The following FBXL5 variants were observed in gnomAD, a reference collection of about 807,000 sequenced individuals.
FBXL5 encodes the protein F-box/LRR-repeat protein 5.
In FBXL5, 26 loss-of-function variants were observed where a neutral mutation model predicts 78.3. The observed-to-expected ratio is 0.33, with a 90% CI of 0.24 to 0.46. The LOEUF is 0.46. FBXL5 is among the 20% of genes least tolerant of loss of function. The pLI, the probability that FBXL5 is intolerant of heterozygous loss-of-function variation, is 1.00. For synonymous variants in FBXL5, 295 were observed against 282.5 expected (o/e 1.04, Z -0.45); for missense variants, 710 against 829.2 (o/e 0.86, Z 1.77).
upstream of FBXL5, among the ~76,000 whole-genome samples, chr4:15,663,227 A>G (rs556921880): frequency 6.6e-6 from 1 of 152,332 alleles, no homozygotes; most frequent in African/African-American, 2.4e-5. Context: ...TACATTGATA[A>G]TAGTCATTCA....
rs180895530 is a variant in FBXL5 at position 15,633,994 on chromosome 4, G to A, written c.766+2500C>T. ...GGCTGGGTAACTGTTTTTGGGTGCT[G>A]TCCTGTGGATTATAGGGTGCTTAGC... On this transcript the variant is annotated intron_variant, in intron 5 of 10. Coordinates refer to ENST00000341285, the MANE Select transcript of FBXL5 (RefSeq NM_012161.4). Among the ~76,000 whole-genome samples, 455 of 152,198 alleles carry A rather than the reference G, an allele frequency of 3.0e-3. 2 individuals are homozygous for A. The highest frequency in any genetic ancestry group is 0.01 in the African/African-American group (429 of 41,514).
chr4:15,678,045 A>G (rs1046871562), intron 1 of FBXL5, among the ~76,000 whole-genome samples: 4 of 152,202 alleles, frequency 2.6e-5, no homozygotes, highest in Admixed American at 2.6e-4. Flanking sequence ...GTATCATTAA[A>G]TGGGCGGGTG....
At chr4:15,609,551 TC>T (rs1722102419) in intron 10 of FBXL5, among the ~76,000 whole-genome samples, 1 of 152,032 alleles carries the variant, frequency 6.6e-6, no homozygotes, top group Non-Finnish European at 1.5e-5. Context: ...AGCTAATCTA[TC>T]TTAATTTATA....
At chr4:15,633,341 G>A (rs1484760499) in intron 5 of FBXL5, among the ~76,000 whole-genome samples, 2 of 152,170 alleles carry the variant, frequency 1.3e-5, no homozygotes, top group Middle Eastern at 3.4e-3. Context: ...TAGAAATCAC[G>A]ATGAGCAAAC....
chr4:15,640,649 T>G (rs1190816773), intron 3 of FBXL5, 139 bp downstream of exon 3: 4 of 434,172 alleles, frequency 9.2e-6, no homozygotes, highest in Non-Finnish European at 1.6e-5. Context: ...TTGGGTTTTC[T>G]TTTTTCCCAA....
chr4:15,679,720 A>C (rs1365222730), intron 1 of FBXL5, among the ~76,000 whole-genome samples: 1 of 150,120 alleles, frequency 6.7e-6, no homozygotes, highest in Non-Finnish European at 1.5e-5. Context: ...GATTTTACTT[A>C]TCTATCAAAA....
At chr4:15,670,914 CTTTTTTTTTTT>C (rs57312794) in intron 1 of FBXL5, among the ~76,000 whole-genome samples, 4 of 54,180 alleles carry the variant, frequency 7.4e-5, no homozygotes, top group Non-Finnish European at 1.3e-4. Context: ...TGTGCGTAGA[CTTTTTTTTTTT>C]TTTTTTTTTT....
At chr4:15,651,619 C>T (rs1404751692) in intron 1 of FBXL5, among the ~76,000 whole-genome samples, 4 of 152,142 alleles carry the variant, frequency 2.6e-5, no homozygotes, top group Non-Finnish European at 5.9e-5. Context: ...TAAAGCTATA[C>T]TCACTCATTT....
Position 15,655,275 on chromosome 4 carries a change from G to T in FBXL5, c.13C>A (p.Pro5Thr). Residue 5 changes from proline to threonine, a missense_variant, in exon 1 of 11, where the codon CCT becomes ACT. Transcript: ENST00000341285. MAPF[P>T]EEVDVFTAPH... ...GCGGTGAAGACGTCCACTTCTTCAGGAAAGGGCGCCATCGCCACTGCCTCA... is the reference window on the plus strand; with the variant it reads ...GCGGTGAAGACGTCCACTTCTTCAGTAAAGGGCGCCATCGCCACTGCCTCA... The T allele has an allele frequency of 7.0e-7, 1 of 1,431,648 alleles. No homozygotes were observed. The highest frequency in any genetic ancestry group is 9.3e-7 in the Non-Finnish European group (1 of 1,072,484). The allele number at this position is 1,431,648 out of a possible 1,614,324, so 88.7% of individuals were successfully genotyped here.
At position 15,655,246 on chromosome 4, in the gene FBXL5, TG is replaced by T. The variant is rs1411054617; in HGVS notation, c.41del (p.Pro14HisfsTer5). The T allele has an allele frequency of 2.1e-6, 3 of 1,443,120 alleles. No individual in the cohort carries two copies. Among genetic ancestry groups the T allele is most frequent in the Admixed American group, 2.2e-5 (1 of 45,734 alleles). 89.4% of individuals were successfully genotyped at this position (1,443,120 alleles called of 1,614,324 possible). A position where few individuals can be genotyped will look rare whatever the true frequency, so the allele number is the denominator to read the frequency against. ...CCACCAGCTGCTTCATCCGCCAGTG[TG>T]GGGCGGTGAAGACGTCCACTTCTTC... ...FPEEVDVFTAPHWRMKQLVGL... is the reference protein window; with the variant it reads ...FPEEVDVFTAXHWRMKQLVGL... On this transcript the variant is annotated frameshift_variant, in exon 1 of 11. Transcript: ENST00000341285. LOFTEE classifies it high-confidence loss of function.
chr4:15,656,151 A>AG (rs1242866234), upstream of FBXL5: 2 of 455,746 alleles, frequency 4.4e-6, no homozygotes, highest in African/African-American at 2.0e-5. Context: ...GAATAATGGA[A>AG]GGTTGGTGCG....
intron 3 of FBXL5, among the ~76,000 whole-genome samples, chr4:15,640,387 A>G (rs1714723273): frequency 1.0e-5 from 1 of 99,192 alleles, no homozygotes. Flanking sequence ...ACTAAACTAC[A>G]CTACTGAAAA....
In FBXL5 at chr4:15,628,024, G is replaced by A. The variant is rs1293074797; in HGVS notation, c.902C>T (p.Ala301Val). 6.2e-7 allele frequency: 1 copy of A among 1,613,106 alleles called. No homozygotes were observed. Among genetic ancestry groups the A allele is most frequent in the Non-Finnish European group, 8.5e-7 (1 of 1,179,658 alleles). ...AATGCTGATAGCAATTGATTCCTCC[G>A]CAGACTCTTCTGTAAAATGAATTCA... Reference protein sequence around the residue: ...DADIDESEESAEESIAISIAQ... With the variant: ...DADIDESEESVEESIAISIAQ... The change falls in exon 7 of 11, where the codon GCG (alanine) becomes GTG (valine). Residue 301 changes from alanine to valine, a missense_variant. Transcript: ENST00000341285.
At chr4:15,678,610 G>C (rs1297693747) in intron 1 of FBXL5, among the ~76,000 whole-genome samples, 1 of 130,008 alleles carries the variant, frequency 7.7e-6, no homozygotes, top group Admixed American at 7.5e-5. Flanking sequence ...ACAACTTTTT[G>C]ACCAAAATGA....
In FBXL5 at chr4:15,624,186, G is replaced by A. The variant is rs531525909; in HGVS notation, c.1850+1066C>T. Reference sequence around the variant, plus strand: ...GGGAGTATTAAGTTTTATGCTGGAAGAATTCTTCATTATAAAATATCTGAC... The same window carrying A: ...GGGAGTATTAAGTTTTATGCTGGAAAAATTCTTCATTATAAAATATCTGAC... On this transcript the variant is annotated intron_variant, in intron 9 of 10. Transcript: ENST00000341285. Among the ~76,000 whole-genome samples the A allele has an allele frequency of 6.6e-5, 10 of 152,146 alleles. No homozygotes were observed. In the South Asian group the frequency reaches 2.1e-3, roughly 32 times the overall value.
intron 7 of FBXL5, among the ~76,000 whole-genome samples, 195 bp downstream of exon 7, chr4:15,627,690 T>C (rs1189459351): frequency 6.6e-6 from 1 of 152,198 alleles, no homozygotes; most frequent in Non-Finnish European, 1.5e-5. Flanking sequence ...TAGGTAATGA[T>C]AATTATGCTA....
intron 9 of FBXL5, among the ~76,000 whole-genome samples, chr4:15,616,271 T>G (rs1711858837): frequency 6.6e-6 from 1 of 152,192 alleles, no homozygotes; most frequent in South Asian, 2.1e-4. Flanking sequence ...AACCCACCAA[T>G]TCCGGACACA....
chr4:15,645,811 A>G (rs1032189324), intron 1 of FBXL5, among the ~76,000 whole-genome samples: 3 of 152,238 alleles, frequency 2.0e-5, no homozygotes, highest in Non-Finnish European at 2.9e-5. Context: ...AGTACTCAAT[A>G]AACATTAGCT....
At chr4:15,635,745 C>T (rs936919227) in intron 5 of FBXL5, among the ~76,000 whole-genome samples, 7 of 136,014 alleles carry the variant, frequency 5.1e-5, no homozygotes, top group African/African-American at 1.1e-4. Context: ...ATGAGCGAAA[C>T]TCTGCCTCAA....
Sources: allele counts gnomAD v4.1 joint callset (sites outside exome capture counted in the v4.1 genomes callset), GRCh38; gene constraint gnomAD v4.1.1; transcripts MANE v1.5; gene names NCBI Gene and HGNC (gene_info 2026-07-23, HGNC 2026-07-21).